PRDM5: variants seen among roughly 807,000 people sequenced by gnomAD.
PRDM5 encodes the protein PR/SET domain 5.
In PRDM5, 56 loss-of-function variants were observed where a neutral mutation model predicts 81.2. The observed-to-expected ratio is 0.69, with a 90% confidence interval of 0.56 to 0.86. The LOEUF is 0.86. Ranked by LOEUF, PRDM5 falls within the 40% of genes least tolerant of loss-of-function variation. The pLI, the probability that PRDM5 is intolerant of heterozygous loss-of-function variation, is 0.00. For missense variants in PRDM5, 697 were observed against 770.1 expected, an observed-to-expected ratio of 0.91 and a Z score of 1.12; for synonymous variants, 267 against 256.4, an observed-to-expected ratio of 1.04 and a Z score of -0.39.
intron 10 of PRDM5, among the ~76,000 whole-genome samples, chr4:120,791,914 C>CT (rs1166574638): frequency 6.6e-6 from 1 of 152,198 alleles, no homozygotes; most frequent in African/African-American, 2.4e-5. Context: ...AGAAGACAGT[C>CT]ATCTGCAAAC....
downstream of PRDM5, among the ~76,000 whole-genome samples, chr4:120,687,791 A>G (rs923213056): frequency 4.6e-5 from 7 of 152,122 alleles, no homozygotes; most frequent in Non-Finnish European, 8.8e-5. Flanking sequence ...TTTCCTTATA[A>G]AAGGATGAGT....
At chr4:120,867,441 A>T (rs1162057090) in intron 2 of PRDM5, among the ~76,000 whole-genome samples, 1 of 152,096 alleles carries the variant, frequency 6.6e-6, no homozygotes, top group Admixed American at 6.6e-5. Flanking sequence ...TAAATTATAT[A>T]TTTTTTTCAT....
At chr4:120,845,592 C>G (rs941829205) in intron 3 of PRDM5, among the ~76,000 whole-genome samples, 1 of 152,048 alleles carries the variant, frequency 6.6e-6, no homozygotes, top group African/African-American at 2.4e-5. Context: ...AATAACACTG[C>G]CATTGACAAG....
intron 3 of PRDM5, among the ~76,000 whole-genome samples, chr4:120,842,326 C>T (rs1297177044): frequency 6.6e-6 from 1 of 152,142 alleles, no homozygotes; most frequent in East Asian, 1.9e-4. Context: ...TATTTCAGGC[C>T]AGAGTTCAAG....
At chr4:120,746,173 G>A (rs1375423982) in intron 14 of PRDM5, among the ~76,000 whole-genome samples, 1 of 13,780 alleles carries the variant, frequency 7.3e-5, no homozygotes, top group Admixed American at 8.1e-4. Context: ...ACAAAAACAA[G>A]AAATGGGGAA....
At chr4:120,736,346 T>C (rs1022436116) in intron 14 of PRDM5, among the ~76,000 whole-genome samples, 1 of 152,120 alleles carries the variant, frequency 6.6e-6, no homozygotes, top group African/African-American at 2.4e-5. Flanking sequence ...GGTATCTTTT[T>C]GATATAATGA....
chr4:120,744,967 AGACAC>A (rs1742758376), intron 14 of PRDM5, among the ~76,000 whole-genome samples: 1 of 144,726 alleles, frequency 6.9e-6, no homozygotes, highest in Non-Finnish European at 1.5e-5. Flanking sequence ...AGCCAGGCAG[AGACAC>A]AACCAAAAAA....
chr4:120,709,915 C>T (rs1736706270), intron 15 of PRDM5, among the ~76,000 whole-genome samples: 1 of 152,056 alleles, frequency 6.6e-6, no homozygotes, highest in African/African-American at 2.4e-5. Context: ...TTGGCTTTAA[C>T]CAAGTAAATA....
intron 13 of PRDM5, among the ~76,000 whole-genome samples, chr4:120,758,234 A>G (rs1300763226): frequency 6.6e-6 from 1 of 152,146 alleles, no homozygotes; most frequent in Non-Finnish European, 1.5e-5. Context: ...ATCTATAAAT[A>G]TGCTATTGGT....
At chr4:120,771,628 A>G (rs1222719268) in intron 13 of PRDM5, among the ~76,000 whole-genome samples, 1 of 152,210 alleles carries the variant, frequency 6.6e-6, no homozygotes, top group Non-Finnish European at 1.5e-5. Context: ...GATTATATCT[A>G]CGAAACTAAG....
intron 14 of PRDM5, among the ~76,000 whole-genome samples, chr4:120,728,934 G>A (rs1255524868): frequency 6.6e-6 from 1 of 152,102 alleles, no homozygotes. Flanking sequence ...AAAAACTGAA[G>A]GTAAAGAATA....
At chr4:120,721,511 C>T (rs116106604) in intron 14 of PRDM5, among the ~76,000 whole-genome samples, 5,962 of 152,220 alleles carry the variant, frequency 0.039, 159 homozygotes, top group African/African-American at 0.071. Flanking sequence ...AGTAAGAACT[C>T]CTACTCTTTC....
rs28489621 is a variant in PRDM5 at position 120,701,573 on chromosome 4, T to C, written c.1729-6298A>G. 5.5e-3 allele frequency among the ~76,000 whole-genome samples: 843 copies of C among 152,250 alleles called. 5 individuals carry two copies. The highest frequency in any genetic ancestry group is 0.019 in the African/African-American group (798 of 41,544). On this transcript the variant is annotated intron_variant, in intron 15 of 15. Coordinates refer to ENST00000264808, the MANE Select transcript of PRDM5 (RefSeq NM_018699.4). ...GGGGCCACTATCCTAAGTGAATTAA[T>C]ACAGGAACAGAAAACCAAATACTGC...
Position 120,694,948 on chromosome 4 carries a change from T to G in PRDM5, c.*163A>C. 1 of 762,396 alleles carries G rather than the reference T, an allele frequency of 1.3e-6. No homozygotes were observed. Among genetic ancestry groups the G allele is most frequent in the South Asian group, 1.7e-5 (1 of 59,768 alleles). The allele number at this position is 762,396 out of a possible 1,614,324, so 47.2% of individuals were successfully genotyped here. ...CCATTTCTTGTTAAAAGTAAGACTTTTTTTTGGTTGCATATGCATCTACAG... is the reference window on the plus strand; with the variant it reads ...CCATTTCTTGTTAAAAGTAAGACTTGTTTTTGGTTGCATATGCATCTACAG... On this transcript the variant is annotated 3_prime_UTR_variant, in exon 16 of 16. Transcript: ENST00000264808.
chr4:120,780,655 T>C (rs1462230108), intron 12 of PRDM5, among the ~76,000 whole-genome samples: 2 of 152,136 alleles, frequency 1.3e-5, no homozygotes, highest in Non-Finnish European at 2.9e-5. Flanking sequence ...AGCAAGTATT[T>C]ATCGAGTCCC....
At chr4:120,777,101 T>C in intron 13 of PRDM5, 87 bp downstream of exon 13, 1 of 1,605,680 alleles carries the variant, frequency 6.2e-7, no homozygotes, top group Non-Finnish European at 8.5e-7. Flanking sequence ...ATCTGGAAGA[T>C]ATTTGTATTA....
chr4:120,706,700 C>CAAAAGTGTAA (rs1553944639), intron 15 of PRDM5, among the ~76,000 whole-genome samples: 1 of 147,842 alleles, frequency 6.8e-6, no homozygotes, highest in Non-Finnish European at 1.5e-5. Flanking sequence ...GTCATTTGGG[C>CAAAAGTGTAA]AAAACTGGTT....
At chr4:120,790,998 A>C (rs910699668) in intron 10 of PRDM5, among the ~76,000 whole-genome samples, 2 of 152,222 alleles carry the variant, frequency 1.3e-5, no homozygotes, top group East Asian at 3.8e-4. Flanking sequence ...CATCACTGAT[A>C]AAATGTAATG....
chr4:120,890,094 T>C (rs1474877843), intron 2 of PRDM5, among the ~76,000 whole-genome samples: 2 of 152,110 alleles, frequency 1.3e-5, no homozygotes, highest in Non-Finnish European at 2.9e-5. Context: ...TGAGCCTGGG[T>C]AATTTATAAA....
Sources: gnomAD v4.1 joint callset for allele counts (sites outside exome capture counted in the v4.1 genomes callset) on GRCh38, gnomAD v4.1.1 for gene constraint, MANE v1.5 for transcripts, NCBI Gene and HGNC (gene_info 2026-07-23, HGNC 2026-07-21) for gene names.